PDK1: variants seen among roughly 807,000 people sequenced by gnomAD.
PDK1 encodes pyruvate dehydrogenase kinase 1.
Under a neutral mutation model 54.2 loss-of-function variants are expected in PDK1, and 39 were observed. The observed-to-expected ratio is 0.72, with a 90% CI of 0.56 to 0.94. PDK1 has a LOEUF of 0.94. Ranked by LOEUF, PDK1 falls within the 40% of genes least tolerant of loss-of-function variation. The pLI is 0.00. For synonymous variants in PDK1, 221 were observed against 207.1 expected (o/e 1.07, Z -0.58); for missense variants, 552 against 566.0 (o/e 0.98, Z 0.25).
At chr2:172,675,052 T>C in the PDK1 span, among the ~76,000 whole-genome samples, 1 of 152,224 alleles carries the variant, frequency 6.6e-6, no homozygotes, top group Non-Finnish European at 1.5e-5. Flanking sequence ...CATGTTACTA[T>C]AGTAATTGGG....
chr2:172,660,114 C>A, the PDK1 span, among the ~76,000 whole-genome samples: 1 of 151,924 alleles, frequency 6.6e-6, no homozygotes, highest in Non-Finnish European at 1.5e-5. Flanking sequence ...GAGGGACTGA[C>A]CCCAGGCCCA....
chr2:172,666,658 G>T, the PDK1 span, among the ~76,000 whole-genome samples: 1 of 152,198 alleles, frequency 6.6e-6, no homozygotes, highest in African/African-American at 2.4e-5. Flanking sequence ...GTGACTCAGG[G>T]TGACTAAGAA....
chr2:172,564,116 A>T, intron 3 of PDK1: 1 of 474,022 alleles, frequency 2.1e-6, no homozygotes, highest in Non-Finnish European at 4.3e-6. Flanking sequence ...AGAGCAGAGC[A>T]GGTGTTCTCT....
the PDK1 span, among the ~76,000 whole-genome samples, chr2:172,621,100 C>G: frequency 6.6e-6 from 1 of 152,118 alleles, no homozygotes; most frequent in African/African-American, 2.4e-5. Context: ...GCCAACATGG[C>G]AAAACCCCAT....
Position 172,601,989 on chromosome 2 carries a change from T to G in PDK1, c.*6020T>G, listed in dbSNP as rs1691132239. The G allele has an allele frequency of 6.6e-6, 1 of 152,160 alleles. No individual in the cohort carries two copies. Among genetic ancestry groups the G allele is most frequent in the Non-Finnish European group, 1.5e-5 (1 of 68,032 alleles). The allele number at this position is 152,160 out of a possible 1,614,324, so 9.4% of individuals were successfully genotyped here. On this transcript the variant is annotated 3_prime_UTR_variant, in exon 11 of 11. Transcript: ENST00000282077. ...GAAGATCCATCTAAGATTTTGACAA[T>G]TTAAATCAACCACTAAGGAAGTGGA...
At chr2:172,687,096 A>T in the PDK1 span, among the ~76,000 whole-genome samples, 2 of 151,954 alleles carry the variant, frequency 1.3e-5, no homozygotes, top group Admixed American at 1.3e-4. Flanking sequence ...CATGTAAACT[A>T]ACAATATATT....
chr2:172,586,779 G>T (rs1690253653), intron 9 of PDK1, among the ~76,000 whole-genome samples: 2 of 152,122 alleles, frequency 1.3e-5, no homozygotes, highest in African/African-American at 2.4e-5. Context: ...TCATTAGAAT[G>T]ATCTCATATC....
At chr2:172,583,281 GTTTTTT>G (rs1175087926) in intron 8 of PDK1, among the ~76,000 whole-genome samples, 1,196 of 76,954 alleles carry the variant, frequency 0.016, 19 homozygotes, top group African/African-American at 0.062. Flanking sequence ...AAGTTTTCTG[GTTTTTT>G]TTTTTTTTTT....
At chr2:172,571,454 C>G (rs1241325021) in intron 8 of PDK1, among the ~76,000 whole-genome samples, 1 of 152,194 alleles carries the variant, frequency 6.6e-6, no homozygotes, top group Non-Finnish European at 1.5e-5. Context: ...ACCTTGAACT[C>G]CTGGGCTCAA....
the PDK1 span, among the ~76,000 whole-genome samples, chr2:172,678,401 T>C: frequency 6.6e-6 from 1 of 151,926 alleles, no homozygotes; most frequent in Non-Finnish European, 1.5e-5. Context: ...GGTAATTCAG[T>C]TGGAAGTGGC....
the PDK1 span, among the ~76,000 whole-genome samples, chr2:172,714,993 T>A: frequency 6.6e-6 from 1 of 152,252 alleles, no homozygotes; most frequent in Non-Finnish European, 1.5e-5. Context: ...ATGGAATAGT[T>A]ATTTACAGAA....
At chr2:172,653,438 A>G in the PDK1 span, among the ~76,000 whole-genome samples, 1 of 152,094 alleles carries the variant, frequency 6.6e-6, no homozygotes, top group Non-Finnish European at 1.5e-5. Flanking sequence ...CTCCATCTCT[A>G]CTAAAAATAC....
At chr2:172,719,083 T>C in the PDK1 span, among the ~76,000 whole-genome samples, 1 of 152,196 alleles carries the variant, frequency 6.6e-6, no homozygotes, top group Non-Finnish European at 1.5e-5. Context: ...ATATAGCTCC[T>C]CTAGTCTTTT....
chr2:172,575,549 G>A (rs142772549), intron 8 of PDK1, among the ~76,000 whole-genome samples: 33 of 152,212 alleles, frequency 2.2e-4, no homozygotes, highest in African/African-American at 6.7e-4. Context: ...GGCCAGGCAC[G>A]GTGGCTTAAC....
At chr2:172,705,425 C>G in the PDK1 span, among the ~76,000 whole-genome samples, 1 of 152,196 alleles carries the variant, frequency 6.6e-6, no homozygotes, top group African/African-American at 2.4e-5. Context: ...GTTTGCCCAA[C>G]CCTGGGAATC....
chr2:172,622,164 G>A, the PDK1 span, among the ~76,000 whole-genome samples: 1 of 145,080 alleles, frequency 6.9e-6, no homozygotes, highest in East Asian at 2.1e-4. Context: ...CATATATTAT[G>A]TGAGATATGT....
At chr2:172,635,440 C>T in the PDK1 span, among the ~76,000 whole-genome samples, 1 of 152,058 alleles carries the variant, frequency 6.6e-6, no homozygotes, top group Non-Finnish European at 1.5e-5. Context: ...CTCCACCTCC[C>T]GAGTAGCTGG....
At chr2:172,632,990 A>AG in the PDK1 span, among the ~76,000 whole-genome samples, 3 of 150,676 alleles carry the variant, frequency 2.0e-5, no homozygotes, top group African/African-American at 7.3e-5. Flanking sequence ...CAAAAAAAAA[A>AG]AAAGGAACAT....
chr2:172,557,532 A>C (rs1688403040), intron 1 of PDK1, among the ~76,000 whole-genome samples: 1 of 152,030 alleles, frequency 6.6e-6, no homozygotes, highest in Non-Finnish European at 1.5e-5. Flanking sequence ...AATAGGACCT[A>C]CTTGAAGATG....
Sources: gnomAD v4.1 joint callset for allele counts (sites outside exome capture counted in the v4.1 genomes callset) on GRCh38, gnomAD v4.1.1 for gene constraint, MANE v1.5 for transcripts, NCBI Gene and HGNC (gene_info 2026-07-23, HGNC 2026-07-21) for gene names.